The following GNB4 variants were observed in gnomAD, a reference collection of about 807,000 sequenced individuals.
The protein encoded by GNB4 is guanine nucleotide-binding protein subunit beta-4.
In GNB4, 28 loss-of-function variants were observed where a neutral mutation model predicts 45.2. That is an observed-to-expected ratio of 0.62 (90% CI 0.46 to 0.85). The LOEUF (loss-of-function observed/expected upper bound fraction) is 0.85, where lower values mean the gene tolerates loss of function less well. GNB4 is among the 40% of genes least tolerant of loss of function. The pLI, the probability that GNB4 is intolerant of heterozygous loss-of-function variation, is 0.00. For missense variants in GNB4, 321 were observed against 425.4 expected, an observed-to-expected ratio of 0.75 and a Z score of 2.16; for synonymous variants, 132 against 143.7, an observed-to-expected ratio of 0.92 and a Z score of 0.58.
chr3:179,507,017 A>C, the GNB4 span, among the ~76,000 whole-genome samples: 1 of 152,136 alleles, frequency 6.6e-6, no homozygotes, highest in African/African-American at 2.4e-5. Flanking sequence ...CTGTGTTCCC[A>C]TTCTGAGGAA....
At position 179,396,102 on chromosome 3, in the gene GNB4, C is replaced by G. The variant is rs556780311; in HGVS notation, c.*5111G>C. ...ATACAATGAAATCTGGTTAAAAGCA[C>G]TTTATTGATTACAGTATCAATTCAC... On this transcript the variant is annotated 3_prime_UTR_variant, in exon 10 of 10. Transcript: ENST00000232564. 1 of 151,632 alleles carries G rather than the reference C, an allele frequency of 6.6e-6. No individual in the cohort carries two copies. Among genetic ancestry groups the G allele is most frequent in the South Asian group, 2.1e-4 (1 of 4,810 alleles). The allele number at this position is 151,632 out of a possible 1,614,324, so 9.4% of individuals were successfully genotyped here.
the GNB4 span, among the ~76,000 whole-genome samples, chr3:179,462,756 T>C: frequency 1.3e-5 from 2 of 152,134 alleles, no homozygotes; most frequent in African/African-American, 4.8e-5. Flanking sequence ...GAGAATCACT[T>C]GAACCCAGGA....
chr3:179,468,035 A>AAAAAAAAAAAATATATATATAT, the GNB4 span, among the ~76,000 whole-genome samples: 499 of 89,828 alleles, frequency 5.6e-3, 21 homozygotes, highest in African/African-American at 0.011. Flanking sequence ...TGTTGATAAA[A>AAAAAAAAAAAATATATATATAT]ATATATATAT....
Position 179,397,154 on chromosome 3 carries a change from G to A in GNB4, c.*4059C>T, listed in dbSNP as rs1714142810. ...TTAAAATGATGACAGGCCCAAATGG[G>A]GGATTGTTTAACCAGTTTTCCTAAG... is the stretch of plus-strand genomic sequence containing the variant. On this transcript the variant is annotated 3_prime_UTR_variant, in exon 10 of 10. Coordinates refer to ENST00000232564, the MANE Select transcript of GNB4 (RefSeq NM_021629.4). 1 of 152,160 alleles carries A rather than the reference G, an allele frequency of 6.6e-6. No individual in the cohort carries two copies. Among genetic ancestry groups the A allele is most frequent in the Non-Finnish European group, 1.5e-5 (1 of 68,044 alleles). The allele number at this position is 152,160 out of a possible 1,614,324, so 9.4% of individuals were successfully genotyped here.
At chr3:179,446,587 A>T (rs1004929251) in intron 1 of GNB4, among the ~76,000 whole-genome samples, 2 of 151,762 alleles carry the variant, frequency 1.3e-5, no homozygotes, top group African/African-American at 4.8e-5. Context: ...TTTCAAATCT[A>T]TTTTTTTTAA....
At chr3:179,453,736 C>T (rs1294042580), upstream of GNB4, among the ~76,000 whole-genome samples, 2 of 151,690 alleles carry the variant, frequency 1.3e-5, no homozygotes, top group Non-Finnish European at 2.9e-5. Flanking sequence ...AAAGAAATTA[C>T]TAGAAGAATA....
chr3:179,398,903 T>G lies in GNB4; in HGVS notation c.*2310A>C, dbSNP rs1452152128. ...TTGCTTTAAACTCCTCTTCATAAACTTTAAGAACATTAAAATAAATGTAAT... is the reference window on the plus strand; with the variant it reads ...TTGCTTTAAACTCCTCTTCATAAACGTTAAGAACATTAAAATAAATGTAAT... On this transcript the variant is annotated 3_prime_UTR_variant, in exon 10 of 10. Transcript: ENST00000232564. 2 of 152,188 alleles carry G rather than the reference T, an allele frequency of 1.3e-5. No homozygotes were observed. Among genetic ancestry groups the G allele is most frequent in the Non-Finnish European group, 2.9e-5 (2 of 68,034 alleles). The allele number at this position is 152,188 out of a possible 1,614,324, so 9.4% of individuals were successfully genotyped here.
chr3:179,421,572 T>A (rs1164296578), intron 2 of GNB4, among the ~76,000 whole-genome samples: 1 of 152,230 alleles, frequency 6.6e-6, no homozygotes, highest in African/African-American at 2.4e-5. Flanking sequence ...ATTTTGTTTT[T>A]TCTATACAGT....
chr3:179,438,189 G>C (rs1034717129), intron 1 of GNB4, among the ~76,000 whole-genome samples: 1 of 152,208 alleles, frequency 6.6e-6, no homozygotes, highest in African/African-American at 2.4e-5. Context: ...ACACAACTCT[G>C]TGTAGTAACT....
chr3:179,454,788 T>C (rs898131926), upstream of GNB4, among the ~76,000 whole-genome samples: 2 of 152,158 alleles, frequency 1.3e-5, no homozygotes, highest in Non-Finnish European at 2.9e-5. Flanking sequence ...GAGGCCAAAT[T>C]ATATACATAC....
chr3:179,452,217 AG>A (rs1202762228), upstream of GNB4, among the ~76,000 whole-genome samples: 2 of 121,052 alleles, frequency 1.7e-5, no homozygotes, highest in Non-Finnish European at 3.5e-5. Flanking sequence ...ATCTCAATCG[AG>A]TTTTTTTTTT....
chr3:179,489,316 C>T, the GNB4 span, among the ~76,000 whole-genome samples: 1 of 151,694 alleles, frequency 6.6e-6, no homozygotes, highest in Non-Finnish European at 1.5e-5. Flanking sequence ...CTCTGAGCCT[C>T]CAGTCAACTA....
chr3:179,445,863 T>C (rs1344537), intron 1 of GNB4, among the ~76,000 whole-genome samples: 81,208 of 151,988 alleles, frequency 0.53, 22,089 homozygotes, highest in African/African-American at 0.64. Context: ...ACTACATTTC[T>C]TTTGTAATAA....
the GNB4 span, among the ~76,000 whole-genome samples, chr3:179,520,785 T>C: frequency 5.6e-3 from 850 of 152,090 alleles, 8 homozygotes; most frequent in African/African-American, 0.019. Context: ...TGACATTCAC[T>C]CCATTTCCCC....
the GNB4 span, among the ~76,000 whole-genome samples, chr3:179,485,294 G>A: frequency 6.6e-6 from 1 of 152,050 alleles, no homozygotes; most frequent in Non-Finnish European, 1.5e-5. Context: ...TTATAGGTGT[G>A]AGCCACTGCG....
At chr3:179,440,985 G>A (rs1181647189) in intron 1 of GNB4, among the ~76,000 whole-genome samples, 1 of 152,026 alleles carries the variant, frequency 6.6e-6, no homozygotes, top group Non-Finnish European at 1.5e-5. Context: ...ATTTTCTTCT[G>A]CATTGTTCCT....
chr3:179,477,238 TA>T, the GNB4 span, among the ~76,000 whole-genome samples: 19 of 152,170 alleles, frequency 1.2e-4, no homozygotes, highest in Admixed American at 1.2e-3. Flanking sequence ...CCTGAAGTTT[TA>T]AAAAAATATT....
the GNB4 span, among the ~76,000 whole-genome samples, chr3:179,500,708 T>G: frequency 6.6e-6 from 1 of 152,204 alleles, no homozygotes; most frequent in Admixed American, 6.5e-5. Flanking sequence ...ATTCTTCATA[T>G]CCATGAGGAT....
intron 1 of GNB4, 76 bp from the exon 2 acceptor site, chr3:179,426,318 A>G: frequency 1.5e-6 from 1 of 688,822 alleles, no homozygotes; most frequent in Non-Finnish European, 2.4e-6. Context: ...ATACTGACAT[A>G]TAACTTCTTT....
Sources: allele counts gnomAD v4.1 joint callset (sites outside exome capture counted in the v4.1 genomes callset), GRCh38; gene constraint gnomAD v4.1.1; transcripts MANE v1.5; gene names NCBI Gene and HGNC (gene_info 2026-07-23, HGNC 2026-07-21).